The following NOMO1 variants were observed in gnomAD, a reference collection of about 807,000 sequenced individuals.
NOMO1 encodes the protein nodal modulator 3.
Under a neutral mutation model 133.8 loss-of-function variants are expected in NOMO1, and 40 were observed. That is an observed-to-expected ratio of 0.30 (90% CI 0.23 to 0.39). The LOEUF is 0.39. Among genes scored for constraint, NOMO1 ranks in the 10% least tolerant of loss-of-function variants. NOMO1 has a pLI of 1.00. For synonymous variants in NOMO1, 236 were observed against 570.5 expected (o/e 0.41, Z 8.36); for missense variants, 462 against 1,419.9 (o/e 0.33, Z 10.84).
chr16:14,875,863 CT>C (rs1242327541), intron 20 of NOMO1, among the ~76,000 whole-genome samples: 1 of 151,616 alleles, frequency 6.6e-6, no homozygotes. Flanking sequence ...GAAGTGATCA[CT>C]TGTGGAGTAT....
intron 2 of NOMO1, among the ~76,000 whole-genome samples, chr16:14,839,736 C>G (rs1963576747): frequency 6.6e-6 from 1 of 151,580 alleles, no homozygotes; most frequent in Non-Finnish European, 1.5e-5. Context: ...GATAGATCTA[C>G]TGACTTTTTT....
At chr16:14,884,124 A>T (rs1217665190) in intron 26 of NOMO1, among the ~76,000 whole-genome samples, 2 of 150,362 alleles carry the variant, frequency 1.3e-5, no homozygotes, top group South Asian at 4.2e-4. Context: ...AATTTTTAAC[A>T]TGTTGGCAAG....
chr16:14,889,812 G>A, intron 29 of NOMO1, among the ~76,000 whole-genome samples: 1 of 151,140 alleles, frequency 6.6e-6, no homozygotes, highest in Admixed American at 6.6e-5. Flanking sequence ...GATTTTGGGG[G>A]AGGAGGGACA....
At chr16:14,875,013 C>G (rs370087289) in intron 18 of NOMO1, 23 bp from the exon 19 acceptor site, 4 of 1,613,664 alleles carry the variant, frequency 2.5e-6, no homozygotes, top group Non-Finnish European at 2.5e-6. Flanking sequence ...GCAACTATGT[C>G]CTAGGGGCCG....
chr16:14,834,261 TCCAGATCCCCGGAACACAGACC>T (rs1456588654), intron 1 of NOMO1, among the ~76,000 whole-genome samples: 1 of 67,736 alleles, frequency 1.5e-5, no homozygotes. Flanking sequence ...AAACCCCGAC[TCCAGATCCCCGGAACACAGACC>T]CCAGATCCTC....
At chr16:14,839,674 T>A (rs532810747) in intron 2 of NOMO1, among the ~76,000 whole-genome samples, 167 of 151,396 alleles carry the variant, frequency 1.1e-3, no homozygotes, top group African/African-American at 3.7e-3. Context: ...ATGCTTTCAA[T>A]ACCAGAGGGA....
intron 15 of NOMO1, among the ~76,000 whole-genome samples, chr16:14,867,777 CA>C (rs1326050068): frequency 6.7e-6 from 1 of 149,414 alleles, no homozygotes; most frequent in African/African-American, 2.5e-5. Context: ...AAAAACTCGA[CA>C]GGTCGATTTG....
chr16:14,839,050 G>A (rs1238290157), intron 2 of NOMO1, among the ~76,000 whole-genome samples: 3 of 151,204 alleles, frequency 2.0e-5, no homozygotes, highest in African/African-American at 7.3e-5. Context: ...GGGTTTTTTT[G>A]TTGTTTTTTT....
Position 14,895,892 on chromosome 16 carries a change from T to C in NOMO1, c.*247T>C. The C allele has an allele frequency of 6.4e-7, 1 of 1,568,022 alleles. No homozygotes were observed. Among genetic ancestry groups the C allele is most frequent in the East Asian group, 2.3e-5 (1 of 42,838 alleles). ...TGCTGAACAGAATTTATTTTCTGAG[T>C]CAAATATAATTTATTATTATTTTTG... On this transcript the variant is annotated 3_prime_UTR_variant, in exon 31 of 31. Coordinates refer to ENST00000287667, the MANE Select transcript of NOMO1 (RefSeq NM_014287.4).
intron 9 of NOMO1, among the ~76,000 whole-genome samples, chr16:14,855,511 C>T (rs1041058982): frequency 1.3e-5 from 2 of 151,766 alleles, no homozygotes; most frequent in African/African-American, 4.9e-5. Flanking sequence ...ATCGCTTAAA[C>T]TGGCAGAAGC....
At chr16:14,860,829 C>T (rs1439067710) in intron 11 of NOMO1, among the ~76,000 whole-genome samples, 2 of 152,006 alleles carry the variant, frequency 1.3e-5, no homozygotes, top group African/African-American at 4.8e-5. Flanking sequence ...CTTTTTAGCA[C>T]ACTGATACTT....
intron 6 of NOMO1, among the ~76,000 whole-genome samples, chr16:14,851,326 G>T (rs1383958886): frequency 1.3e-5 from 2 of 151,818 alleles, no homozygotes; most frequent in Non-Finnish European, 2.9e-5. Flanking sequence ...TATTCTGTTG[G>T]GTAACCAGTA....
chr16:14,877,923 C>T (rs1176202429), intron 22 of NOMO1, among the ~76,000 whole-genome samples: 1 of 83,050 alleles, frequency 1.2e-5, no homozygotes, highest in African/African-American at 4.2e-5. Flanking sequence ...AATTAAGTGC[C>T]TAGAGATACA....
chr16:14,876,580 G>T, intron 21 of NOMO1, 62 bp downstream of exon 21: 1 of 1,611,210 alleles, frequency 6.2e-7, no homozygotes, highest in African/African-American at 1.3e-5. Context: ...GAAGAAACTG[G>T]GGCCCACATT....
intron 1 of NOMO1, among the ~76,000 whole-genome samples, chr16:14,836,347 C>T (rs1188421011): frequency 1.3e-5 from 2 of 152,018 alleles, no homozygotes; most frequent in Non-Finnish European, 2.9e-5. Context: ...CAGGCTTAAC[C>T]TTATTTCACA....
chr16:14,887,014 A>C lies in NOMO1; in HGVS notation c.3324+152A>C. Reference sequence around the variant, plus strand: ...AAAGAGGTTGGGTTCTGTAGGGATTATTTTTTCTTCATTGTTTTTCTGTTT... The same window carrying C: ...AAAGAGGTTGGGTTCTGTAGGGATTCTTTTTTCTTCATTGTTTTTCTGTTT... On this transcript the variant is annotated intron_variant, in intron 28 of 30. Transcript: ENST00000287667. The C allele has an allele frequency of 3.7e-6, 3 of 813,880 alleles. No individual in the cohort carries two copies. The South Asian group carries it at 5.5e-5, about 15-fold the overall frequency. 50.4% of individuals were successfully genotyped at this position (813,880 alleles called of 1,614,324 possible). A position where few individuals can be genotyped will look rare whatever the true frequency, so the allele number is the denominator to read the frequency against.
At chr16:14,837,135 G>A (rs1228851989) in intron 1 of NOMO1, among the ~76,000 whole-genome samples, 3,186 of 150,664 alleles carry the variant, frequency 0.021, 2 homozygotes, top group African/African-American at 0.075. Context: ...CTCCTGCCTC[G>A]GCCTCCTGAG....
intron 4 of NOMO1, among the ~76,000 whole-genome samples, chr16:14,845,760 GA>G (rs1229884413): frequency 6.6e-6 from 1 of 151,574 alleles, no homozygotes; most frequent in Non-Finnish European, 1.5e-5. Flanking sequence ...TAGAGATGGG[GA>G]TCTTGGGTAG....
Position 14,867,173 on chromosome 16 carries a change from TATA to T in NOMO1, c.1806+483_1806+485del, listed in dbSNP as rs1261656949. Among the ~76,000 whole-genome samples the T allele has an allele frequency of 2.3e-3, 45 of 19,946 alleles. 1 individual carries two copies. The highest frequency in any genetic ancestry group is 3.7e-3 in the Non-Finnish European group (32 of 8,676). The allele number at this position is 19,946 out of a possible 152,430, so 13.1% of individuals were successfully genotyped here. On this transcript the variant is annotated intron_variant, in intron 15 of 30. Coordinates refer to ENST00000287667, the MANE Select transcript of NOMO1 (RefSeq NM_014287.4). ...TGATATATATATATATATATATATA[TATA>T]TTTTTTTTTTTTTTTTTTTTTTTTT... is the stretch of plus-strand genomic sequence containing the variant.
Sources: allele counts gnomAD v4.1 joint callset (sites outside exome capture counted in the v4.1 genomes callset), GRCh38; gene constraint gnomAD v4.1.1; transcripts MANE v1.5; gene names NCBI Gene and HGNC (gene_info 2026-07-23, HGNC 2026-07-21).